GLMN: variants seen among roughly 807,000 people sequenced by gnomAD.
GLMN encodes the protein glomulin, FKBP associated protein.
A neutral mutation model predicts 87.8 loss-of-function variants in GLMN; 75 were observed. That is an observed-to-expected ratio of 0.85 (90% confidence interval 0.71 to 1.04). The LOEUF (loss-of-function observed/expected upper bound fraction) is 1.04, where lower values mean the gene tolerates loss of function less well. Ranked by LOEUF, GLMN falls within the 50% of genes least tolerant of loss-of-function variation. The probability of loss-of-function intolerance (pLI) is 0.00; values close to 1 mark genes in which losing one functional copy is unlikely to be tolerated. For missense variants in GLMN, 588 were observed against 658.8 expected (o/e 0.89, Z 1.18); for synonymous variants, 206 against 221.6 (o/e 0.93, Z 0.63).
chr1:92,367,625 C>T, the GLMN span, among the ~76,000 whole-genome samples: 1 of 152,154 alleles, frequency 6.6e-6, no homozygotes, highest in Non-Finnish European at 1.5e-5. Flanking sequence ...AACAGGTCTC[C>T]CTACTGCAGC....
At chr1:92,247,496 C>A (rs971631691) in intron 17 of GLMN, among the ~76,000 whole-genome samples, 4 of 152,008 alleles carry the variant, frequency 2.6e-5, no homozygotes, top group Admixed American at 1.3e-4. Context: ...AGAGATCACA[C>A]GATTATTATA....
the GLMN span, among the ~76,000 whole-genome samples, chr1:92,355,174 CA>C: frequency 1.3e-5 from 2 of 151,906 alleles, no homozygotes; most frequent in African/African-American, 4.8e-5. Context: ...TTTTATTTAA[CA>C]TTTTTTTTAA....
chr1:92,255,806 A>ATTT (rs1654149758), intron 16 of GLMN, among the ~76,000 whole-genome samples: 1 of 152,216 alleles, frequency 6.6e-6, no homozygotes, highest in Non-Finnish European at 1.5e-5. Context: ...CAAAGGAGAA[A>ATTT]GTGGGAAAGA....
intron 7 of GLMN, among the ~76,000 whole-genome samples, chr1:92,281,115 G>A (rs1157453758): frequency 6.6e-6 from 1 of 152,090 alleles, no homozygotes; most frequent in African/African-American, 2.4e-5. Flanking sequence ...GAAATACAGA[G>A]AACACCACAA....
chr1:92,321,107 A>C, the GLMN span, among the ~76,000 whole-genome samples: 24 of 151,352 alleles, frequency 1.6e-4, no homozygotes, highest in African/African-American at 5.9e-4. Context: ...GACCATGGCC[A>C]TCTCTCAAAA....
the GLMN span, among the ~76,000 whole-genome samples, chr1:92,367,583 T>A: frequency 2.3e-3 from 350 of 152,334 alleles, 2 homozygotes; most frequent in African/African-American, 7.4e-3. Flanking sequence ...AGTCTTTACA[T>A]CTTCATCACC....
At chr1:92,303,837 C>T, upstream of GLMN, 1 of 493,938 alleles carries the variant, frequency 2.0e-6, no homozygotes, top group Non-Finnish European at 3.4e-6. Flanking sequence ...TTATTTTCTC[C>T]TCTAATTCTA....
At chr1:92,264,504 A>G in intron 14 of GLMN, 50 bp downstream of exon 14, 1 of 852,224 alleles carries the variant, frequency 1.2e-6, no homozygotes, top group Non-Finnish European at 2.0e-6. Context: ...ATATGAATAA[A>G]TATACCCTAC....
At chr1:92,248,364 T>A (rs1401378468) in intron 16 of GLMN, 2 of 189,318 alleles carry the variant, frequency 1.1e-5, no homozygotes, top group Non-Finnish European at 2.2e-5. Flanking sequence ...TCAATTGATA[T>A]CCACACCACG....
chr1:92,247,117 G>A lies in GLMN; in HGVS notation c.1613C>T (p.Ser538Phe), dbSNP rs866275486. 6.4e-7 allele frequency: 1 copy of A among 1,566,874 alleles called. No homozygotes were observed. ...GATCTCTTCTCCACTTACAGTTATA[G>A]AACAAAGATCTTTAGATTTCTGGGC... ...QEAQKSKDLC[S>F]ITVSGEEIPN... The change falls in exon 18 of 19, where the codon TCT (serine) becomes TTT (phenylalanine). Residue 538 changes from serine (S) to phenylalanine (F), a missense_variant. Transcript: ENST00000370360.
chr1:92,325,123 G>C, the GLMN span, among the ~76,000 whole-genome samples: 1 of 152,140 alleles, frequency 6.6e-6, no homozygotes, highest in African/African-American at 2.4e-5. Flanking sequence ...CTGAGATTTA[G>C]AGAGCATCTT....
chr1:92,248,714 A>G (rs912651386), intron 16 of GLMN, among the ~76,000 whole-genome samples: 7 of 152,150 alleles, frequency 4.6e-5, no homozygotes, highest in African/African-American at 1.7e-4. Flanking sequence ...TTGATAACCT[A>G]TTTTGTAATG....
At chr1:92,368,686 T>C in the GLMN span, among the ~76,000 whole-genome samples, 1 of 152,352 alleles carries the variant, frequency 6.6e-6, no homozygotes, top group African/African-American at 2.4e-5. Context: ...AAACTCTTCT[T>C]ACTACTGTAT....
chr1:92,365,713 C>T, the GLMN span, among the ~76,000 whole-genome samples: 45 of 152,214 alleles, frequency 3.0e-4, no homozygotes, highest in East Asian at 3.7e-3. Flanking sequence ...TTCATTTGTA[C>T]GTTTTATTTG....
At chr1:92,356,581 G>A in the GLMN span, among the ~76,000 whole-genome samples, 2 of 94,962 alleles carry the variant, frequency 2.1e-5, no homozygotes, top group Middle Eastern at 5.3e-3. Context: ...ACCACTCCTG[G>A]CTAATTTTTT....
At chr1:92,367,603 G>A in the GLMN span, among the ~76,000 whole-genome samples, 1 of 152,104 alleles carries the variant, frequency 6.6e-6, no homozygotes. Context: ...CTTTATGCAT[G>A]GTAATCAGCA....
chr1:92,370,131 C>T, the GLMN span, among the ~76,000 whole-genome samples: 2 of 152,280 alleles, frequency 1.3e-5, no homozygotes, highest in South Asian at 4.1e-4. Context: ...GTGATCCGCC[C>T]GCATCAGCCT....
intron 17 of GLMN, 79 bp from the exon 18 acceptor site, chr1:92,247,223 AACTT>A: frequency 1.3e-6 from 1 of 780,490 alleles, no homozygotes; most frequent in Non-Finnish European, 2.3e-6. Flanking sequence ...TTCATTCACT[AACTT>A]AAAACATGTC....
chr1:92,279,732 G>T (rs1252872080), intron 7 of GLMN, among the ~76,000 whole-genome samples: 1 of 152,190 alleles, frequency 6.6e-6, no homozygotes, highest in Admixed American at 6.5e-5. Flanking sequence ...TGTTTCTGGA[G>T]AAACAGTACA....
Sources: allele counts gnomAD v4.1 joint callset (sites outside exome capture counted in the v4.1 genomes callset), GRCh38; gene constraint gnomAD v4.1.1; transcripts MANE v1.5; gene names NCBI Gene and HGNC (gene_info 2026-07-23, HGNC 2026-07-21).